The following KHDRBS2 variants were observed in gnomAD, a reference collection of about 807,000 sequenced individuals.
KHDRBS2 encodes KH domain-containing, RNA-binding, signal transduction-associated protein 2.
KHDRBS2 carries 26 observed loss-of-function variants against 44.3 expected under a neutral mutation model. That is an observed-to-expected ratio of 0.59 (90% CI 0.43 to 0.81). The LOEUF is 0.81. Among genes scored for constraint, KHDRBS2 ranks in the 40% least tolerant of loss-of-function variants. The pLI is 0.00. For missense variants in KHDRBS2, 476 were observed against 433.1 expected (o/e 1.10, Z -0.88); for synonymous variants, 194 against 151.1 (o/e 1.28, Z -2.08).
intron 3 of KHDRBS2, among the ~76,000 whole-genome samples, chr6:62,006,191 A>G (rs899679582): frequency 6.6e-6 from 1 of 151,972 alleles, no homozygotes; most frequent in African/African-American, 2.4e-5. Flanking sequence ...GAAAACCTCT[A>G]AAAAGGATGG....
intron 1 of KHDRBS2, among the ~76,000 whole-genome samples, chr6:62,251,310 A>G (rs1836488235): frequency 6.6e-6 from 1 of 151,988 alleles, no homozygotes; most frequent in South Asian, 2.1e-4. Flanking sequence ...TAACTTGAAG[A>G]TAAGTTATAT....
chr6:61,569,694 C>A, the KHDRBS2 span, among the ~76,000 whole-genome samples: 1 of 152,182 alleles, frequency 6.6e-6, no homozygotes, highest in Non-Finnish European at 1.5e-5. Context: ...GCACCTCCAC[C>A]AGAGCAGGTG....
intron 2 of KHDRBS2, among the ~76,000 whole-genome samples, chr6:62,124,118 A>C (rs1396813231): frequency 2.6e-5 from 4 of 152,172 alleles, no homozygotes; most frequent in Non-Finnish European, 4.4e-5. Context: ...TTGTAAAGAC[A>C]TGGGGAATCT....
At chr6:62,149,208 T>C (rs1276993675) in intron 2 of KHDRBS2, among the ~76,000 whole-genome samples, 1 of 152,054 alleles carries the variant, frequency 6.6e-6, no homozygotes, top group Non-Finnish European at 1.5e-5. Context: ...CCTTAAAAAA[T>C]ACCCACAATT....
chr6:61,848,492 T>TACAC (rs1491187000), intron 6 of KHDRBS2, among the ~76,000 whole-genome samples: 4 of 30,144 alleles, frequency 1.3e-4, no homozygotes, highest in Non-Finnish European at 1.8e-4. Context: ...TATATATATG[T>TACAC]ATATATATAT....
chr6:61,832,587 GA>G lies in KHDRBS2; in HGVS notation c.810+62047del, dbSNP rs111647431. 7.9e-3 allele frequency among the ~76,000 whole-genome samples: 1,155 copies of G among 145,856 alleles called. 17 individuals are homozygous for G. The highest frequency in any genetic ancestry group is 0.026 in the African/African-American group (1,040 of 40,212). On this transcript the variant is annotated intron_variant, in intron 6 of 8. Coordinates refer to ENST00000281156, the MANE Select transcript of KHDRBS2 (RefSeq NM_152688.4). ...AAAATGATTGCTGGGAGGGACATGA[GA>G]AAAAAAAAAACTATCTGTAAGATTC... is the stretch of plus-strand genomic sequence containing the variant.
At position 61,940,254 on chromosome 6, in the gene KHDRBS2, A is replaced by AG. The variant is rs566180086; in HGVS notation, c.483+37811dup. Reference sequence around the variant, plus strand: ...GTAAATAAAAGTTCAAAAAAAAAAAAGAATATATTGCCCACATTAAAAACC... The same window carrying AG: ...GTAAATAAAAGTTCAAAAAAAAAAAAGGAATATATTGCCCACATTAAAAACC... On this transcript the variant is annotated intron_variant, in intron 4 of 8. Transcript: ENST00000281156. 4.1e-4 allele frequency among the ~76,000 whole-genome samples: 62 copies of AG among 151,320 alleles called. 1 individual carries two copies. The highest frequency in any genetic ancestry group is 1.4e-3 in the African/African-American group (59 of 41,244).
intron 3 of KHDRBS2, among the ~76,000 whole-genome samples, chr6:62,025,336 T>C (rs867367100): frequency 2.0e-5 from 3 of 151,888 alleles, no homozygotes; most frequent in Non-Finnish European, 1.5e-5. Flanking sequence ...ACTTCCTTAC[T>C]ACATTCTTTT....
At chr6:61,554,349 A>G in the KHDRBS2 span, among the ~76,000 whole-genome samples, 10 of 150,852 alleles carry the variant, frequency 6.6e-5, no homozygotes, top group African/African-American at 1.7e-4. Flanking sequence ...TCGGTTTCTC[A>G]TTTGCTTGGT....
the KHDRBS2 span, among the ~76,000 whole-genome samples, chr6:61,604,826 T>A: frequency 1.9e-4 from 29 of 152,076 alleles, no homozygotes; most frequent in African/African-American, 7.0e-4. Flanking sequence ...TCCCACAGGG[T>A]CTGAAAAGGC....
intron 2 of KHDRBS2, among the ~76,000 whole-genome samples, chr6:62,064,412 G>A (rs1338379111): frequency 6.8e-6 from 1 of 148,002 alleles, no homozygotes; most frequent in African/African-American, 2.5e-5. Context: ...AAAACAGCAT[G>A]GTACTGGTAC....
At chr6:61,631,099 T>A in the KHDRBS2 span, among the ~76,000 whole-genome samples, 2 of 151,872 alleles carry the variant, frequency 1.3e-5, no homozygotes, top group Non-Finnish European at 2.9e-5. Flanking sequence ...AAGGCAGCCA[T>A]TTACTAGAAG....
chr6:61,627,197 G>C, the KHDRBS2 span, among the ~76,000 whole-genome samples: 1 of 142,630 alleles, frequency 7.0e-6, no homozygotes, highest in African/African-American at 2.6e-5. Flanking sequence ...AGCTTGCAGT[G>C]AGCCGAGATC....
chr6:61,751,464 A>T (rs1462398594), intron 6 of KHDRBS2, among the ~76,000 whole-genome samples: 1 of 152,174 alleles, frequency 6.6e-6, no homozygotes, highest in Non-Finnish European at 1.5e-5. Flanking sequence ...TGCACTTTAC[A>T]ATGTAAAACA....
intron 6 of KHDRBS2, among the ~76,000 whole-genome samples, chr6:61,871,298 A>G (rs529528680): frequency 1.3e-5 from 2 of 152,308 alleles, no homozygotes; most frequent in South Asian, 4.1e-4. Context: ...CGTGAAGACA[A>G]GATTAGAGAA....
intron 2 of KHDRBS2, among the ~76,000 whole-genome samples, chr6:62,080,687 C>T (rs1412278480): frequency 3.9e-5 from 6 of 152,112 alleles, no homozygotes; most frequent in Admixed American, 6.6e-5. Flanking sequence ...CCTTCAGTAT[C>T]GTGCTCTGTG....
intron 1 of KHDRBS2, among the ~76,000 whole-genome samples, chr6:62,273,013 A>C (rs1840327919): frequency 6.6e-6 from 1 of 152,248 alleles, no homozygotes; most frequent in Non-Finnish European, 1.5e-5. Context: ...AGGAAAAAAA[A>C]GGGATACATA....
chr6:61,557,146 C>T, the KHDRBS2 span, among the ~76,000 whole-genome samples: 3 of 151,848 alleles, frequency 2.0e-5, no homozygotes, highest in Non-Finnish European at 4.4e-5. Context: ...AGTTAGAAGT[C>T]CACTGCTTCA....
intron 6 of KHDRBS2, among the ~76,000 whole-genome samples, chr6:61,760,114 G>T (rs755186190): frequency 3.3e-5 from 5 of 152,166 alleles, no homozygotes; most frequent in Non-Finnish European, 5.9e-5. Context: ...AATGAATGCT[G>T]TATTATTTTT....
Sources: gnomAD v4.1 joint callset for allele counts (sites outside exome capture counted in the v4.1 genomes callset) on GRCh38, gnomAD v4.1.1 for gene constraint, MANE v1.5 for transcripts, NCBI Gene and HGNC (gene_info 2026-07-23, HGNC 2026-07-21) for gene names.